Variants in CRYL1 observed in about 807,000 individuals in gnomAD.
CRYL1 encodes lambda-crystallin homolog.
CRYL1 carries 29 observed loss-of-function variants against 36.6 expected under a neutral mutation model. The ratio of observed to expected loss-of-function variants is 0.79; its 90% CI spans 0.59 to 1.08. The LOEUF (loss-of-function observed/expected upper bound fraction) is 1.08, where lower values mean the gene tolerates loss of function less well. Ranked by LOEUF, CRYL1 falls within the 50% of genes least tolerant of loss-of-function variation. CRYL1 has a pLI of 0.00. For missense variants in CRYL1, 411 were observed against 407.9 expected (o/e 1.01, Z -0.06); for synonymous variants, 152 against 151.5 (o/e 1.00, Z -0.02).
chr13:20,505,570 G>A (rs2033782013), intron 2 of CRYL1, among the ~76,000 whole-genome samples: 1 of 152,118 alleles, frequency 6.6e-6, no homozygotes, highest in Non-Finnish European at 1.5e-5. Flanking sequence ...AAACGTGCCT[G>A]TTGCTTATTT....
intron 3 of CRYL1, among the ~76,000 whole-genome samples, chr13:20,450,588 T>C (rs1231610865): frequency 4.6e-5 from 7 of 152,144 alleles, no homozygotes; most frequent in Non-Finnish European, 1.0e-4. Context: ...TGTGGGGAAA[T>C]AGGAACACTT....
At chr13:20,508,572 T>C (rs548221762) in intron 2 of CRYL1, among the ~76,000 whole-genome samples, 1 of 150,622 alleles carries the variant, frequency 6.6e-6, no homozygotes, top group African/African-American at 2.5e-5. Flanking sequence ...TTGGGCTGGG[T>C]GCAGTGGCTC....
chr13:20,442,102 C>T (rs545893795), intron 3 of CRYL1, among the ~76,000 whole-genome samples: 31 of 152,254 alleles, frequency 2.0e-4, no homozygotes, highest in African/African-American at 6.7e-4. Context: ...AAGCCAGAGA[C>T]GAAGAATGAT....
chr13:20,439,514 CAAA>C (rs56087130), intron 4 of CRYL1, 76 bp downstream of exon 4: 6,810 of 327,170 alleles, frequency 0.021, no homozygotes, highest in South Asian at 0.033. Context: ...CCCTCCCCCG[CAAA>C]AAAAAAAAAA....
Position 20,404,738 on chromosome 13 carries a change from A to C in CRYL1, c.743T>G (p.Met248Arg). 1 of 1,598,258 alleles carries C rather than the reference A, an allele frequency of 6.3e-7. No individual in the cohort carries two copies. Among genetic ancestry groups the C allele is most frequent in the Non-Finnish European group, 8.6e-7 (1 of 1,166,290 alleles). ...GCTGTATCTGTCGCAGTAGCTTAAC[A>C]TACCTGGAATTGTATGAAGACAAGA... ...LETMHLNAEG[M>R]LSYCDRYSEG... Residue 248 changes from methionine (M) to arginine (R), a missense_variant, in exon 7 of 8, where the codon ATG becomes AGG. By Grantham distance (91) the Met-to-Arg change is moderately conservative (BLOSUM62 -1). Transcript: ENST00000298248.
In CRYL1 at chr13:20,413,343, T is replaced by C; in HGVS notation, c.678A>G (p.Glu226=). The C allele has an allele frequency of 1.2e-6, 2 of 1,613,842 alleles. No homozygotes were observed. The highest frequency in any genetic ancestry group is 1.7e-6 in the Non-Finnish European group (2 of 1,179,874). The part of the protein sequence containing the change: ...SPSDLDLVMS[E]GLGMRYAFIG... The stretch of plus-strand genomic sequence containing the variant: ...TGAATGCATACCGCATGCCCAACCC[T>C]TCTGACATGACAAGGTCCAGGTCAC... The change falls in exon 6 of 8, where the codon GAA becomes GAG. Residue 226 remains glutamate, a synonymous_variant. Coordinates refer to ENST00000298248, the MANE Select transcript of CRYL1 (RefSeq NM_015974.3).
At chr13:20,461,949 TGGGAGGAGGAGGTGGGAGGGCAGCCTGG>T (rs1323262947) in intron 3 of CRYL1, among the ~76,000 whole-genome samples, 106 of 8,178 alleles carry the variant, frequency 0.013, no homozygotes, top group Admixed American at 0.022. Context: ...AGGGATGGGG[TGGGAGGAGGAGGTGGGAGGGCAGCCTGG>T]GGGAGGAGGA....
At chr13:20,510,021 A>G (rs1045985202) in intron 2 of CRYL1, among the ~76,000 whole-genome samples, 6 of 152,248 alleles carry the variant, frequency 3.9e-5, no homozygotes, top group African/African-American at 1.4e-4. Context: ...ACATGCTGGT[A>G]AGGATATGGA....
At chr13:20,505,384 C>CAAAAAAAAAAAAAAAAAAAAAAA (rs1555232743) in intron 2 of CRYL1, among the ~76,000 whole-genome samples, 1 of 104,170 alleles carries the variant, frequency 9.6e-6, no homozygotes, top group African/African-American at 3.2e-5. Context: ...AAAAAAAAAT[C>CAAAAAAAAAAAAAAAAAAAAAAA]AGAATATGGG....
At chr13:20,456,617 CACACACACACACACACACACA>C (rs2094782035) in intron 3 of CRYL1, among the ~76,000 whole-genome samples, 1 of 40,278 alleles carries the variant, frequency 2.5e-5, no homozygotes, top group South Asian at 5.3e-4. Context: ...CACACACACA[CACACACACACACACACACACA>C]AAGACCACGA....
At chr13:20,464,663 CCTT>C (rs2032897205) in intron 3 of CRYL1, among the ~76,000 whole-genome samples, 1 of 152,110 alleles carries the variant, frequency 6.6e-6, no homozygotes, top group Non-Finnish European at 1.5e-5. Flanking sequence ...CTGTTTGTAT[CCTT>C]CTTCATTTGT....
intron 1 of CRYL1, among the ~76,000 whole-genome samples, chr13:20,521,332 A>C (rs554850954): frequency 6.6e-6 from 1 of 152,196 alleles, no homozygotes; most frequent in East Asian, 1.9e-4. Context: ...AGGAGAGGGA[A>C]TCTACAGAGC....
chr13:20,483,520 A>G (rs2033322901), intron 3 of CRYL1, among the ~76,000 whole-genome samples: 1 of 152,030 alleles, frequency 6.6e-6, no homozygotes, highest in African/African-American at 2.4e-5. Context: ...AGAGCTCTGT[A>G]CAGTCTTTCT....
intron 2 of CRYL1, among the ~76,000 whole-genome samples, chr13:20,501,996 A>G (rs1242964194): frequency 6.6e-6 from 1 of 152,210 alleles, no homozygotes; most frequent in Non-Finnish European, 1.5e-5. Flanking sequence ...ACTAACAATC[A>G]TGGCAGGTGT....
At chr13:20,420,334 C>T (rs1368739325) in intron 5 of CRYL1, among the ~76,000 whole-genome samples, 19 of 152,106 alleles carry the variant, frequency 1.2e-4, no homozygotes, top group Admixed American at 9.8e-4. Context: ...GGAGGAGAGG[C>T]GGGTCTCCCC....
chr13:20,521,183 A>G (rs967157135), intron 1 of CRYL1, among the ~76,000 whole-genome samples: 17 of 151,970 alleles, frequency 1.1e-4, no homozygotes, highest in Admixed American at 3.9e-4. Flanking sequence ...AAAAAGAAAG[A>G]AAGAAAGGAA....
In CRYL1 at chr13:20,516,190, C is replaced by CAAAA. The variant is rs35780379; in HGVS notation, c.42-3644_42-3641dup. On this transcript the variant is annotated intron_variant, in intron 1 of 7. Transcript: ENST00000298248. Reference sequence around the variant, plus strand: ...TGGGCGAAAGAGCAAAACTCCATCTCAAAAAAAAAAAAAAAAAAAAAGGCA... The same window carrying CAAAA: ...TGGGCGAAAGAGCAAAACTCCATCTCAAAAAAAAAAAAAAAAAAAAAAAAAGGCA... 8.2e-5 allele frequency among the ~76,000 whole-genome samples: 6 copies of CAAAA among 73,208 alleles called. 1 individual carries two copies. The highest frequency in any genetic ancestry group is 1.4e-3 in the South Asian group (2 of 1,406). 48.0% of individuals were successfully genotyped at this position (73,208 alleles called of 152,430 possible).
At chr13:20,487,059 A>G (rs2137469502) in intron 3 of CRYL1, among the ~76,000 whole-genome samples, 1 of 152,290 alleles carries the variant, frequency 6.6e-6, no homozygotes, top group South Asian at 2.1e-4. Context: ...TTTGAGGGAG[A>G]CACATTAACC....
chr13:20,430,821 C>G (rs907023365), intron 5 of CRYL1: 1 of 985,242 alleles, frequency 1.0e-6, no homozygotes, highest in Non-Finnish European at 1.2e-6. Flanking sequence ...TAAAGTTGTT[C>G]CCCTTTTCTA....
Sources: allele counts gnomAD v4.1 joint callset (sites outside exome capture counted in the v4.1 genomes callset), GRCh38; gene constraint gnomAD v4.1.1; transcripts MANE v1.5; gene names NCBI Gene and HGNC (gene_info 2026-07-23, HGNC 2026-07-21).